The following ITPRID1 variants were observed in gnomAD, a reference collection of about 807,000 sequenced individuals.
ITPRID1 encodes ITPR interacting domain containing 1.
A neutral mutation model predicts 95.4 loss-of-function variants in ITPRID1; 96 were observed. The ratio of observed to expected loss-of-function variants is 1.01; its 90% confidence interval spans 0.85 to 1.19. ITPRID1 has a LOEUF of 1.19. Among genes scored for constraint, ITPRID1 ranks in the 50% most tolerant of loss-of-function variants. The pLI, the probability that ITPRID1 is intolerant of heterozygous loss-of-function variation, is 0.00. For synonymous variants in ITPRID1, 510 were observed against 453.6 expected, an observed-to-expected ratio of 1.12 and a Z score of -1.58; for missense variants, 1,339 against 1,252.9, an observed-to-expected ratio of 1.07 and a Z score of -1.04.
intron 10 of ITPRID1, among the ~76,000 whole-genome samples, chr7:31,629,072 G>A (rs1442584065): frequency 1.3e-5 from 2 of 151,970 alleles, no homozygotes; most frequent in Admixed American, 6.6e-5. Flanking sequence ...GGTGGTCATG[G>A]GACATTGTTC....
intron 1 of ITPRID1, among the ~76,000 whole-genome samples, chr7:31,547,923 T>G (rs1323404873): frequency 6.6e-6 from 1 of 152,082 alleles, no homozygotes; most frequent in Non-Finnish European, 1.5e-5. Context: ...GATTTGGAAA[T>G]GAGAATTTGG....
At chr7:31,530,197 G>A (rs1783551360) in intron 1 of ITPRID1, among the ~76,000 whole-genome samples, 2 of 152,152 alleles carry the variant, frequency 1.3e-5, no homozygotes, top group African/African-American at 4.8e-5. Context: ...GAGGAGTGAT[G>A]CAGAAATTAT....
At chr7:31,555,661 G>A (rs1317034559) in intron 5 of ITPRID1, among the ~76,000 whole-genome samples, 1 of 152,130 alleles carries the variant, frequency 6.6e-6, no homozygotes, top group Non-Finnish European at 1.5e-5. Context: ...ATGAAATATT[G>A]TGAAGAATTT....
chr7:31,638,068 C>T (rs1583688719), intron 10 of ITPRID1, among the ~76,000 whole-genome samples: 1 of 152,210 alleles, frequency 6.6e-6, no homozygotes, highest in East Asian at 1.9e-4. Flanking sequence ...GGGGCTCCCA[C>T]CAAAGTGTGC....
intron 1 of ITPRID1, among the ~76,000 whole-genome samples, chr7:31,527,364 A>T (rs1783453451): frequency 6.6e-6 from 1 of 152,040 alleles, no homozygotes; most frequent in South Asian, 2.1e-4. Context: ...TATGTCAAAA[A>T]CTCACTTTGT....
At chr7:31,642,616 T>C in intron 11 of ITPRID1, 66 bp from the exon 12 acceptor site, 1 of 1,421,388 alleles carries the variant, frequency 7.0e-7, no homozygotes, top group Middle Eastern at 1.9e-4. Context: ...GAAGAAAATC[T>C]CACCTTAAAC....
intron 14 of ITPRID1, 45 bp downstream of exon 14, chr7:31,652,095 C>T (rs1302949592): frequency 1.5e-6 from 2 of 1,312,242 alleles, no homozygotes; most frequent in Non-Finnish European, 2.2e-6. Context: ...CAGCCTACCA[C>T]AGGAGAGGTG....
chr7:31,578,435 G>A lies in ITPRID1; in HGVS notation c.1170+1G>A, dbSNP rs565388006. Reference sequence around the variant, plus strand: ...ACCAGACTCATTTGAAATGGAAGAGGTCAGTGCTGCACCAACGTACCAGCC... The same window carrying A: ...ACCAGACTCATTTGAAATGGAAGAGATCAGTGCTGCACCAACGTACCAGCC... On this transcript the variant is annotated splice_donor_variant, in intron 9 of 14. Transcript: ENST00000615280. LOFTEE classifies it high-confidence loss of function. 6 of 1,596,230 alleles carry A rather than the reference G, an allele frequency of 3.8e-6. No homozygotes were observed. In the African/African-American group the frequency reaches 5.4e-5, roughly 14 times the overall value.
At chr7:31,520,243 A>G (rs1283134051) in intron 1 of ITPRID1, among the ~76,000 whole-genome samples, 1 of 152,098 alleles carries the variant, frequency 6.6e-6, no homozygotes, top group African/African-American at 2.4e-5. Flanking sequence ...CACACTATCA[A>G]CCTGACTTAT....
At chr7:31,525,971 A>T (rs1320460549) in intron 1 of ITPRID1, among the ~76,000 whole-genome samples, 1 of 152,142 alleles carries the variant, frequency 6.6e-6, no homozygotes, top group Non-Finnish European at 1.5e-5. Flanking sequence ...GTTAAAAAAA[A>T]TACTTAGCTT....
In ITPRID1 at chr7:31,654,733, A is replaced by G. The variant is rs1055486191; in HGVS notation, c.*1904A>G. 6.6e-6 allele frequency among the ~76,000 whole-genome samples: 1 copy of G among 152,174 alleles called. No homozygotes were observed. Among genetic ancestry groups the G allele is most frequent in the African/African-American group, 2.4e-5 (1 of 41,446 alleles). The stretch of plus-strand genomic sequence containing the variant: ...ATAGATGCAGAATGGAATAGGAAAA[A>G]CTGCTTGGAAAAGTAATGCCATGAG... On this transcript the variant is annotated 3_prime_UTR_variant, in exon 15 of 15. Coordinates refer to ENST00000615280, the MANE Select transcript of ITPRID1 (RefSeq NM_001257967.3).
In ITPRID1 at chr7:31,554,474, G is replaced by A. The variant is rs768410299; in HGVS notation, c.164-1G>A. 11 of 1,612,354 alleles carry A rather than the reference G, an allele frequency of 6.8e-6. No homozygotes were observed. In the South Asian group the frequency reaches 1.2e-4, roughly 18 times the overall value. On this transcript the variant is annotated splice_acceptor_variant, in intron 3 of 14. Coordinates refer to ENST00000615280, the MANE Select transcript of ITPRID1 (RefSeq NM_001257967.3). LOFTEE classifies it high-confidence loss of function. ...ACTGATCTGTTCTTTCTTACTTGTA[G>A]AAGATTCCAAGCAAGAAAGTATTCA...
chr7:31,631,775 T>C (rs1281259055), intron 10 of ITPRID1, among the ~76,000 whole-genome samples: 1 of 152,248 alleles, frequency 6.6e-6, no homozygotes, highest in Non-Finnish European at 1.5e-5. Context: ...AAATGTTACG[T>C]AGAAATCTTC....
chr7:31,599,585 T>TTTTCTTTC (rs527461356), intron 10 of ITPRID1, among the ~76,000 whole-genome samples: 2,233 of 112,812 alleles, frequency 0.02, 60 homozygotes, highest in East Asian at 0.028. Flanking sequence ...TGTTGTGTTA[T>TTTTCTTTC]TTTCTTTCTT....
chr7:31,617,778 A>C (rs571237267), intron 10 of ITPRID1, among the ~76,000 whole-genome samples: 1 of 152,168 alleles, frequency 6.6e-6, no homozygotes, highest in Non-Finnish European at 1.5e-5. Flanking sequence ...GAAATTGAAG[A>C]TAATAAAGAT....
intron 10 of ITPRID1, among the ~76,000 whole-genome samples, chr7:31,594,274 A>G (rs2128156069): frequency 6.6e-6 from 1 of 152,304 alleles, no homozygotes; most frequent in East Asian, 1.9e-4. Flanking sequence ...ATATTCAAAC[A>G]ATGAGAAAAT....
chr7:31,583,138 A>G lies in ITPRID1; in HGVS notation c.1175A>G (p.Gln392Arg). 6.2e-7 allele frequency: 1 copy of G among 1,610,318 alleles called. No homozygotes were observed. The highest frequency in any genetic ancestry group is 1.1e-5 in the South Asian group (1 of 90,696). Residue 392 changes from glutamine (Q) to arginine (R), a missense_variant, in exon 10 of 15, where the codon CAA (glutamine) becomes CGA (arginine). Transcript: ENST00000615280. ...TGATGCATTTTGATATCTTAGGTCC[A>G]AAGCTTTGAAGAAGAGACTGGTAAT... ...GPDSFEMEEV[Q>R]SFEEETGNPL...
downstream of ITPRID1, among the ~76,000 whole-genome samples, chr7:31,657,984 GATTCCATTT>G (rs1791375465): frequency 6.6e-6 from 1 of 152,118 alleles, no homozygotes; most frequent in Non-Finnish European, 1.5e-5. Context: ...ATTCCATCCA[GATTCCATTT>G]ATTCAAAGCC....
At chr7:31,563,863 T>C (rs192881529) in intron 5 of ITPRID1, among the ~76,000 whole-genome samples, 13 of 152,284 alleles carry the variant, frequency 8.5e-5, no homozygotes, top group African/African-American at 2.6e-4. Context: ...GTTTTGAGCA[T>C]GAATGTCAGC....
Sources: allele counts gnomAD v4.1 joint callset (sites outside exome capture counted in the v4.1 genomes callset), GRCh38; gene constraint gnomAD v4.1.1; transcripts MANE v1.5; gene names NCBI Gene and HGNC (gene_info 2026-07-23, HGNC 2026-07-21).